TNRC6B: variants seen among roughly 807,000 people sequenced by gnomAD.
The protein encoded by TNRC6B is trinucleotide repeat containing adaptor 6B.
Under a neutral mutation model 203.6 loss-of-function variants are expected in TNRC6B, and 52 were observed. That is an observed-to-expected ratio of 0.26 (90% CI 0.20 to 0.32). The LOEUF is 0.32. Among genes scored for constraint, TNRC6B ranks in the 10% least tolerant of loss-of-function variants. The pLI, the probability that TNRC6B is intolerant of heterozygous loss-of-function variation, is 1.00. For missense variants in TNRC6B, 1,923 were observed against 2,286.2 expected, an observed-to-expected ratio of 0.84 and a Z score of 3.24; for synonymous variants, 838 against 845.7, an observed-to-expected ratio of 0.99 and a Z score of 0.16.
chr22:40,180,803 C>T (rs567301658), intron 1 of TNRC6B, among the ~76,000 whole-genome samples: 3 of 152,174 alleles, frequency 2.0e-5, no homozygotes, highest in East Asian at 1.9e-4. Context: ...GGAACTTGCA[C>T]GTTGTAGTTT....
At position 40,323,016 on chromosome 22, in the gene TNRC6B, G is replaced by A. The variant is rs749461748; in HGVS notation, c.5277G>A (p.Val1759=). 5 of 1,605,058 alleles carry A rather than the reference G, an allele frequency of 3.1e-6. No homozygotes were observed. In the African/African-American group the frequency reaches 6.7e-5, roughly 21 times the overall value. Residue 1759 remains valine, a synonymous_variant, in exon 23 of 23, where the codon GTG becomes GTA. Coordinates refer to ENST00000454349, the MANE Select transcript of TNRC6B (RefSeq NM_001162501.2). ...CCGGCCAGAACCAGTCAGATCCCGT[G>A]GGACCTGCTCTGAATCTTTTTGGTG... is the stretch of plus-strand genomic sequence containing the variant. ...LETGQNQSDP[V]GPALNLFGGS...
chr22:40,254,597 G>A (rs184636411), intron 3 of TNRC6B, among the ~76,000 whole-genome samples: 17 of 152,294 alleles, frequency 1.1e-4, no homozygotes, highest in African/African-American at 4.1e-4. Flanking sequence ...ATCTTAAACT[G>A]CATTAATAGG....
At chr22:40,136,232 G>T (rs1303059858) in intron 3 of TNRC6B, among the ~76,000 whole-genome samples, 1 of 152,162 alleles carries the variant, frequency 6.6e-6, no homozygotes, top group Non-Finnish European at 1.5e-5. Context: ...TAGCTTACTA[G>T]TTGTAGAGAT....
chr22:40,214,675 C>T (rs578063436), intron 1 of TNRC6B, among the ~76,000 whole-genome samples: 13 of 152,160 alleles, frequency 8.5e-5, no homozygotes, highest in African/African-American at 3.1e-4. Context: ...GTCTCAACCT[C>T]TTAAGTAGCT....
intron 1 of TNRC6B, among the ~76,000 whole-genome samples, chr22:40,049,420 C>A (rs941780679): frequency 4.6e-5 from 7 of 152,082 alleles, no homozygotes; most frequent in African/African-American, 1.7e-4. Flanking sequence ...GACTTCTATC[C>A]CGGAGATAAA....
intron 4 of TNRC6B, among the ~76,000 whole-genome samples, chr22:40,156,748 G>A (rs1302698468): frequency 1.6e-5 from 2 of 124,490 alleles, no homozygotes; most frequent in Non-Finnish European, 1.6e-5. Context: ...TAATTGGTTT[G>A]TTGTTGGTTT....
chr22:40,266,274 G>A lies in TNRC6B; in HGVS notation c.2044G>A (p.Glu682Lys), dbSNP rs868351801. 5 of 1,592,210 alleles carry A rather than the reference G, an allele frequency of 3.1e-6. No homozygotes were observed. The Middle Eastern group carries it at 5.0e-4, about 158-fold the overall frequency. The stretch of plus-strand genomic sequence containing the variant: ...CAATCAAATGAAGTCTGGATGGGGG[G>A]AGCTCTCAGCCTCTACAGAGTGGAA... ...QSNQMKSGWG[E>K]LSASTEWKDP... Residue 682 changes from glutamate (E) to lysine (K), a missense_variant, in exon 5 of 23, where the codon GAG (glutamate) becomes AAG (lysine). Physicochemically the swap from Glu to Lys is moderately conservative, Grantham distance 56 (BLOSUM62 1). This residue lies in a region of TNRC6B where 599 missense variants were observed against 656.5 expected (regional missense o/e 0.91). Transcript: ENST00000454349.
rs55853218 is a variant in TNRC6B at position 40,335,034 on chromosome 22, C to G, written c.*11793C>G. ...AGTTACCTTTAAGTGTTTTTTTTTT[C>G]TTATACTTGAAGTTGCTTTTACGAT... On this transcript the variant is annotated 3_prime_UTR_variant, in exon 23 of 23. Coordinates refer to ENST00000454349, the MANE Select transcript of TNRC6B (RefSeq NM_001162501.2). 1 of 150,636 alleles carries G rather than the reference C, an allele frequency of 6.6e-6. No individual in the cohort carries two copies. The highest frequency in any genetic ancestry group is 2.0e-4 in the East Asian group (1 of 5,118). The allele number at this position is 150,636 out of a possible 1,614,324, so 9.3% of individuals were successfully genotyped here.
chr22:40,056,797 CAAAA>C (rs35657644), intron 1 of TNRC6B, among the ~76,000 whole-genome samples: 6 of 91,942 alleles, frequency 6.5e-5, no homozygotes, highest in Admixed American at 1.3e-4. Context: ...CACCCTGTCT[CAAAA>C]AAAAAAAAAA....
chr22:40,081,530 G>A (rs2068064109), intron 1 of TNRC6B, among the ~76,000 whole-genome samples: 1 of 152,080 alleles, frequency 6.6e-6, no homozygotes, highest in South Asian at 2.1e-4. Flanking sequence ...CAAGTTCAGT[G>A]TTGTTTAGCG....
intron 3 of TNRC6B, among the ~76,000 whole-genome samples, chr22:40,132,651 A>AC (rs1321647177): frequency 4.7e-5 from 7 of 148,410 alleles, no homozygotes; most frequent in African/African-American, 1.7e-4. Context: ...TCTCAAAAAA[A>AC]AAAAAAAAAA....
intron 1 of TNRC6B, among the ~76,000 whole-genome samples, chr22:40,053,514 G>T (rs930657998): frequency 2.6e-5 from 4 of 152,136 alleles, no homozygotes; most frequent in African/African-American, 7.2e-5. Context: ...CAGGTGAAAT[G>T]GTTAATTCTT....
chr22:40,089,568 C>A (rs1171646431), intron 1 of TNRC6B, among the ~76,000 whole-genome samples: 1 of 151,990 alleles, frequency 6.6e-6, no homozygotes, highest in African/African-American at 2.4e-5. Flanking sequence ...GTTTTAGGGT[C>A]ACAGTAAAAT....
In TNRC6B at chr22:40,245,986, A is replaced by G; in HGVS notation, c.6-29A>G. ...AAATGGATTGTGAATGTAGATGTAT[A>G]ACCTTCTGTTATGATGTTACTTTAA... On this transcript the variant is annotated intron_variant, in intron 1 of 22. Transcript: ENST00000454349. 4 of 1,515,648 alleles carry G rather than the reference A, an allele frequency of 2.6e-6. No individual in the cohort carries two copies. In the South Asian group the frequency reaches 3.8e-5, roughly 14 times the overall value. 93.9% of individuals were successfully genotyped at this position (1,515,648 alleles called of 1,614,324 possible). A position where few individuals can be genotyped will look rare whatever the true frequency, so the allele number is the denominator to read the frequency against.
At chr22:40,242,993 C>T (rs973062613) in intron 1 of TNRC6B, among the ~76,000 whole-genome samples, 1 of 151,660 alleles carries the variant, frequency 6.6e-6, no homozygotes, top group African/African-American at 2.4e-5. Context: ...CTCAGCCTCT[C>T]GAGTAGCTGA....
chr22:40,091,452 CAAAT>C (rs1441664005), intron 1 of TNRC6B, among the ~76,000 whole-genome samples: 1 of 146,930 alleles, frequency 6.8e-6, no homozygotes, highest in Non-Finnish European at 1.5e-5. Flanking sequence ...GGGTCTTCAA[CAAAT>C]AAATTGCAAA....
chr22:40,280,125 T>C lies in TNRC6B; in HGVS notation c.3393T>C (p.Ser1131=). The C allele has an allele frequency of 6.2e-7, 1 of 1,613,336 alleles. No homozygotes were observed. The highest frequency in any genetic ancestry group is 8.5e-7 in the Non-Finnish European group (1 of 1,179,428). ...PNSKDMGTTD[S]GPYFEKLTLP... ...CCAAAGACATGGGAACCACAGATAG[T>C]GGGCCTTATTTTGAGAAGGTGAGTT... The change falls in exon 10 of 23, where the codon AGT becomes AGC. Residue 1131 remains serine (S), a synonymous_variant. Coordinates refer to ENST00000454349, the MANE Select transcript of TNRC6B (RefSeq NM_001162501.2).
intron 1 of TNRC6B, among the ~76,000 whole-genome samples, chr22:40,223,512 A>G (rs2069744396): frequency 6.6e-6 from 1 of 152,152 alleles, no homozygotes; most frequent in Admixed American, 6.5e-5. Context: ...TTTCTTACGT[A>G]CATGATATCA....
chr22:40,128,064 A>T (rs1019582588), intron 3 of TNRC6B, among the ~76,000 whole-genome samples: 1 of 152,244 alleles, frequency 6.6e-6, no homozygotes, highest in African/African-American at 2.4e-5. Context: ...TGAATAGTTT[A>T]TCAGTTCAGA....
Sources: gnomAD v4.1 joint callset for allele counts (sites outside exome capture counted in the v4.1 genomes callset) on GRCh38, gnomAD v4.1.1 for gene constraint, gnomAD v4.1.1 regional missense constraint, MANE v1.5 for transcripts, NCBI Gene and HGNC (gene_info 2026-07-23, HGNC 2026-07-21) for gene names.